CLSTN2: variants seen among roughly 807,000 people sequenced by gnomAD.
The protein encoded by CLSTN2 is calsyntenin-2.
A neutral mutation model predicts 101.2 loss-of-function variants in CLSTN2; 48 were observed. The ratio of observed to expected loss-of-function variants is 0.47; its 90% confidence interval spans 0.38 to 0.60. The LOEUF is 0.60. Among genes scored for constraint, CLSTN2 ranks in the 20% least tolerant of loss-of-function variants. The pLI is 0.00. For synonymous variants in CLSTN2, 481 were observed against 463.6 expected (o/e 1.04, Z -0.48); for missense variants, 1,160 against 1,238.2 (o/e 0.94, Z 0.95).
chr3:140,260,586 C>G (rs2086642767), intron 2 of CLSTN2, among the ~76,000 whole-genome samples: 1 of 151,556 alleles, frequency 6.6e-6, no homozygotes, highest in Admixed American at 6.6e-5. Context: ...GAAGGCAGTA[C>G]AGTTTTCATA....
Position 140,082,350 on chromosome 3 carries a change from G to T in CLSTN2, c.110-93601G>T, listed in dbSNP as rs1335837977. Among the ~76,000 whole-genome samples the T allele has an allele frequency of 2.0e-5, 3 of 152,206 alleles. No homozygotes were observed. In the East Asian group the frequency reaches 5.8e-4, roughly 29 times the overall value. Reference sequence around the variant, plus strand: ...CTGGCAGGGGGAATGATGGGAATGTGCATTGCTTTTTGGCTTGGGGTTTAT... The same window carrying T: ...CTGGCAGGGGGAATGATGGGAATGTTCATTGCTTTTTGGCTTGGGGTTTAT... On this transcript the variant is annotated intron_variant, in intron 1 of 16. Coordinates refer to ENST00000458420, the MANE Select transcript of CLSTN2 (RefSeq NM_022131.3).
At chr3:140,174,602 T>C (rs2010292321) in intron 1 of CLSTN2, among the ~76,000 whole-genome samples, 1 of 152,162 alleles carries the variant, frequency 6.6e-6, no homozygotes, top group Non-Finnish European at 1.5e-5. Flanking sequence ...GAAAGAGGTT[T>C]AATTGGACCT....
chr3:140,460,553 C>T (rs1296127096), intron 7 of CLSTN2, among the ~76,000 whole-genome samples: 1 of 152,124 alleles, frequency 6.6e-6, no homozygotes, highest in African/African-American at 2.4e-5. Flanking sequence ...TTATAAAAGC[C>T]TTATTGTTTT....
At chr3:140,163,700 G>A (rs560456265) in intron 1 of CLSTN2, among the ~76,000 whole-genome samples, 2 of 150,652 alleles carry the variant, frequency 1.3e-5, no homozygotes, top group South Asian at 4.2e-4. Context: ...TTCCATCTAG[G>A]AGCCGTGGCC....
intron 2 of CLSTN2, among the ~76,000 whole-genome samples, chr3:140,284,273 G>T (rs535195693): frequency 6.6e-6 from 1 of 151,880 alleles, no homozygotes; most frequent in Admixed American, 6.6e-5. Context: ...AACAAATTGG[G>T]TTTCTAATTT....
At chr3:140,117,802 TG>T (rs2009271487) in intron 1 of CLSTN2, among the ~76,000 whole-genome samples, 1 of 152,188 alleles carries the variant, frequency 6.6e-6, no homozygotes, top group Non-Finnish European at 1.5e-5. Flanking sequence ...CAAAGTGACT[TG>T]ACCAAGGTTA....
intron 1 of CLSTN2, among the ~76,000 whole-genome samples, chr3:139,955,683 C>G (rs1203651512): frequency 1.5e-4 from 2 of 13,574 alleles, no homozygotes; most frequent in Non-Finnish European, 3.0e-4. Context: ...CTAGGCCCTT[C>G]TCATCTCAGA....
At chr3:140,323,134 G>A (rs2087299351) in intron 2 of CLSTN2, among the ~76,000 whole-genome samples, 1 of 152,200 alleles carries the variant, frequency 6.6e-6, no homozygotes. Flanking sequence ...GAAACGGAGG[G>A]GTTCTGTCCT....
At chr3:140,331,511 A>G (rs1359501579) in intron 2 of CLSTN2, among the ~76,000 whole-genome samples, 2 of 152,196 alleles carry the variant, frequency 1.3e-5, no homozygotes, top group Non-Finnish European at 2.9e-5. Context: ...GGCTGCATCT[A>G]CCAAAACAAA....
intron 1 of CLSTN2, among the ~76,000 whole-genome samples, chr3:140,001,362 A>G (rs2006834180): frequency 1.3e-5 from 2 of 151,934 alleles, no homozygotes; most frequent in African/African-American, 2.4e-5. Context: ...ATGAGTTCTT[A>G]ATTTAATACA....
At chr3:140,411,062 A>G (rs1487476367) in intron 4 of CLSTN2, among the ~76,000 whole-genome samples, 2 of 152,184 alleles carry the variant, frequency 1.3e-5, no homozygotes, top group Admixed American at 1.3e-4. Context: ...AGGTTGACAA[A>G]ATGGAGATAT....
In CLSTN2 at chr3:140,448,601, A is replaced by G. The variant is rs1267089850; in HGVS notation, c.870A>G (p.Gly290=). 1 of 1,614,062 alleles carries G rather than the reference A, an allele frequency of 6.2e-7. No individual in the cohort carries two copies. ...GCATCCACCTGGAGACGTGCGATGGAGCCGTGTCTTCCCTCCAGATCGTCA... is the reference window on the plus strand; with the variant it reads ...GCATCCACCTGGAGACGTGCGATGGGGCCGTGTCTTCCCTCCAGATCGTCA... ...FPSIHLETCD[G]AVSSLQIVTE... The change falls in exon 6 of 17, where the codon GGA becomes GGG. Residue 290 remains glycine (G), a synonymous_variant. Transcript: ENST00000458420.
chr3:140,349,293 A>T (rs2087582406), intron 2 of CLSTN2, among the ~76,000 whole-genome samples: 1 of 152,220 alleles, frequency 6.6e-6, no homozygotes, highest in South Asian at 2.1e-4. Context: ...CAGTTTTTAT[A>T]GCAGCGTGAG....
At chr3:140,560,024 G>A (rs1362361458) in intron 12 of CLSTN2, among the ~76,000 whole-genome samples, 3 of 152,212 alleles carry the variant, frequency 2.0e-5, no homozygotes, top group African/African-American at 7.2e-5. Context: ...AGTGGTTGCA[G>A]GCCATGACCA....
At chr3:140,055,969 T>A (rs1479170242) in intron 1 of CLSTN2, among the ~76,000 whole-genome samples, 2 of 152,214 alleles carry the variant, frequency 1.3e-5, no homozygotes, top group Non-Finnish European at 2.9e-5. Context: ...TCATCATTGA[T>A]ATAAAGAGAA....
chr3:140,050,934 G>A (rs562919575), intron 1 of CLSTN2, among the ~76,000 whole-genome samples: 36 of 152,216 alleles, frequency 2.4e-4, no homozygotes, highest in Non-Finnish European at 4.3e-4. Flanking sequence ...CTAAACAGGG[G>A]TAAACAAGGA....
chr3:140,408,856 C>A (rs1488213664), intron 4 of CLSTN2, among the ~76,000 whole-genome samples: 2 of 152,226 alleles, frequency 1.3e-5, no homozygotes, highest in Non-Finnish European at 2.9e-5. Context: ...GCTGCCCCAA[C>A]TCCCATCACC....
intron 1 of CLSTN2, among the ~76,000 whole-genome samples, chr3:140,155,712 A>T (rs7645343): frequency 0.88 from 133,787 of 152,158 alleles, 59,070 homozygotes; most frequent in African/African-American, 0.95. Context: ...GATGCAAACA[A>T]GTCTTCAATC....
chr3:140,483,490 C>G (rs557170286), intron 8 of CLSTN2, among the ~76,000 whole-genome samples: 2 of 152,040 alleles, frequency 1.3e-5, no homozygotes, highest in African/African-American at 2.4e-5. Context: ...TCAATTCCTG[C>G]ATATCCTTGT....
Sources: allele counts gnomAD v4.1 joint callset (sites outside exome capture counted in the v4.1 genomes callset), GRCh38; gene constraint gnomAD v4.1.1; transcripts MANE v1.5; gene names NCBI Gene and HGNC (gene_info 2026-07-23, HGNC 2026-07-21).